AFF2: variants seen among roughly 807,000 people sequenced by gnomAD.
AFF2 encodes AF4/FMR2 family member 2.
AFF2 carries 14 observed loss-of-function variants against 76.9 expected under a neutral mutation model. That is an observed-to-expected ratio of 0.18 (90% CI 0.12 to 0.28). The LOEUF is 0.28. Ranked by LOEUF, AFF2 falls within the 10% of genes least tolerant of loss-of-function variation. AFF2 has a pLI of 1.00. For synonymous variants in AFF2, 398 were observed against 366.7 expected, an observed-to-expected ratio of 1.09 and a Z score of -0.98; for missense variants, 868 against 1,001.1, an observed-to-expected ratio of 0.87 and a Z score of 1.79.
At chrX:148,800,414 T>C (rs12833522) in intron 3 of AFF2, among the ~76,000 whole-genome samples, 3,648 of 112,170 alleles carry the variant, frequency 0.033, 62 homozygotes, top group Non-Finnish European at 0.052. Flanking sequence ...TCCATTTACA[T>C]TGCTTTAAGA....
At chrX:148,789,552 G>A (rs1168348057) in intron 3 of AFF2, among the ~76,000 whole-genome samples, 2 of 111,181 alleles carry the variant, frequency 1.8e-5, no homozygotes, top group African/African-American at 6.5e-5. Flanking sequence ...TTCACCAAAG[G>A]CACACAACTA....
intron 5 of AFF2, among the ~76,000 whole-genome samples, chrX:148,841,709 G>C (rs1040542527): frequency 1.8e-5 from 2 of 111,792 alleles, no homozygotes; most frequent in Non-Finnish European, 1.9e-5. Context: ...TGTGCCTCTA[G>C]AACTATTTCC....
At chrX:148,864,152 A>G (rs1315052260) in intron 7 of AFF2, among the ~76,000 whole-genome samples, 2 of 111,763 alleles carry the variant, frequency 1.8e-5, no homozygotes, top group Admixed American at 9.5e-5. Flanking sequence ...AAGTGGCATA[A>G]TCGTTGAATT....
intron 1 of AFF2, among the ~76,000 whole-genome samples, chrX:148,556,063 A>T (rs1003602039): frequency 8.9e-6 from 1 of 112,140 alleles, no homozygotes; most frequent in Non-Finnish European, 1.9e-5. Flanking sequence ...CTTACGAATG[A>T]CTGGAAGCCA....
chrX:148,891,174 A>G (rs963347119), intron 8 of AFF2, among the ~76,000 whole-genome samples: 1 of 111,772 alleles, frequency 8.9e-6, no homozygotes, highest in Admixed American at 9.5e-5. Context: ...GGGTTTGGCT[A>G]GGGAGTGGCC....
intron 1 of AFF2, among the ~76,000 whole-genome samples, chrX:148,613,715 A>C (rs781929479): frequency 2.0e-4 from 22 of 110,454 alleles, no homozygotes; most frequent in African/African-American, 4.6e-4. Flanking sequence ...TCTGAGCCAT[A>C]TCTCTCTCTC....
At chrX:148,710,901 A>G (rs73249436) in intron 3 of AFF2, among the ~76,000 whole-genome samples, 10,020 of 111,483 alleles carry the variant, frequency 0.09, 338 homozygotes, top group Middle Eastern at 0.22. Flanking sequence ...AGAATTATCT[A>G]TCTTAAAAAT....
chrX:148,513,550 C>A (rs1393809005), intron 1 of AFF2, among the ~76,000 whole-genome samples: 2 of 111,406 alleles, frequency 1.8e-5, no homozygotes, highest in Non-Finnish European at 3.8e-5. Flanking sequence ...GTTTTAAATT[C>A]GTGGCTGGCT....
At chrX:148,675,980 A>C (rs1557259438) in intron 3 of AFF2, among the ~76,000 whole-genome samples, 1 of 111,241 alleles carries the variant, frequency 9.0e-6, no homozygotes, top group Non-Finnish European at 1.9e-5. Context: ...CATTTAGCTC[A>C]AGGACAAACA....
At chrX:148,694,810 CTTTTTTTT>C (rs34803945) in intron 3 of AFF2, among the ~76,000 whole-genome samples, 1 of 49,129 alleles carries the variant, frequency 2.0e-5, no homozygotes, top group Non-Finnish European at 3.7e-5. Flanking sequence ...TCACAAAGCA[CTTTTTTTT>C]TTTTTTTTTT....
At chrX:148,567,562 C>T (rs930806913) in intron 1 of AFF2, among the ~76,000 whole-genome samples, 4 of 111,291 alleles carry the variant, frequency 3.6e-5, no homozygotes, top group African/African-American at 1.3e-4. Flanking sequence ...ACTCAGCTTA[C>T]GGTGGAGTCA....
rs1165385117 is a variant in AFF2 at position 148,995,490 on chromosome X, C to CGGGGG, written c.*4161_*4165dup. 3 of 45,955 alleles carry CGGGGG rather than the reference C, an allele frequency of 6.5e-5. No homozygotes were observed. The highest frequency in any genetic ancestry group is 1.8e-4 in the African/African-American group (3 of 16,229). 3.8% of individuals were successfully genotyped at this position (45,955 alleles called of 1,213,427 possible). A position where few individuals can be genotyped will look rare whatever the true frequency, so the allele number is the denominator to read the frequency against. ...GGCAGAAAGGGGGTGGGGGTGGGGG[C>CGGGGG]GGGGGGGTGGGGGGTGGGGAAGCCC... On this transcript the variant is annotated 3_prime_UTR_variant, in exon 21 of 21. Transcript: ENST00000370460.
At chrX:148,637,377 T>C (rs2054042529) in intron 1 of AFF2, among the ~76,000 whole-genome samples, 1 of 112,167 alleles carries the variant, frequency 8.9e-6, no homozygotes, top group African/African-American at 3.2e-5. Flanking sequence ...TTAAACAGGA[T>C]GGCATAAGGC....
chrX:148,858,277 T>A (rs886764850), intron 7 of AFF2, among the ~76,000 whole-genome samples: 2 of 111,597 alleles, frequency 1.8e-5, no homozygotes, highest in African/African-American at 6.5e-5. Context: ...GCATGATGGT[T>A]ATTACTGAAT....
chrX:148,979,638 C>T (rs998448002), intron 18 of AFF2, among the ~76,000 whole-genome samples: 25 of 112,132 alleles, frequency 2.2e-4, no homozygotes, highest in Non-Finnish European at 3.8e-4. Context: ...CTTGTGATCA[C>T]ACTTTGAGAC....
At chrX:148,628,992 A>T (rs2053955027) in intron 1 of AFF2, among the ~76,000 whole-genome samples, 1 of 109,278 alleles carries the variant, frequency 9.2e-6, no homozygotes, top group African/African-American at 3.5e-5. Context: ...GAAATAAAAT[A>T]TGTATTTCCC....
At chrX:148,701,030 G>GAA (rs2054790447) in intron 3 of AFF2, among the ~76,000 whole-genome samples, 1 of 108,897 alleles carries the variant, frequency 9.2e-6, no homozygotes, top group African/African-American at 3.4e-5. Flanking sequence ...GTGTGTGTGT[G>GAA]TGTGTGTGTG....
chrX:148,901,681 C>T (rs1378117382), intron 8 of AFF2, among the ~76,000 whole-genome samples: 3 of 112,278 alleles, frequency 2.7e-5, no homozygotes, highest in Non-Finnish European at 5.6e-5. Context: ...GAATAATTCA[C>T]ATATCATTTG....
At chrX:148,579,365 G>A (rs2053328286) in intron 1 of AFF2, among the ~76,000 whole-genome samples, 1 of 111,268 alleles carries the variant, frequency 9.0e-6, no homozygotes, top group Admixed American at 9.6e-5. Context: ...ACATCTATAG[G>A]GAGCTAAGTT....
Sources: allele counts gnomAD v4.1 joint callset (sites outside exome capture counted in the v4.1 genomes callset), GRCh38; gene constraint gnomAD v4.1.1; transcripts MANE v1.5; gene names NCBI Gene and HGNC (gene_info 2026-07-23, HGNC 2026-07-21).